Variants in PCDHA9 observed in about 807,000 individuals in gnomAD.
PCDHA9 encodes the protein protocadherin alpha-9.
Under a neutral mutation model 62.0 loss-of-function variants are expected in PCDHA9, and 62 were observed. The ratio of observed to expected loss-of-function variants is 1.00; its 90% CI spans 0.81 to 1.23. The LOEUF (loss-of-function observed/expected upper bound fraction) is 1.23. Ranked by LOEUF, PCDHA9 falls within the 50% of genes most tolerant of loss-of-function variation. PCDHA9 has a pLI of 0.00. For synonymous variants in PCDHA9, 557 were observed against 567.6 expected (o/e 0.98, Z 0.27); for missense variants, 1,205 against 1,249.8 (o/e 0.96, Z 0.54).
At chr5:140,948,273 T>A (rs1563231021) in intron 1 of PCDHA9, among the ~76,000 whole-genome samples, 1 of 151,602 alleles carries the variant, frequency 6.6e-6, no homozygotes, top group South Asian at 2.1e-4. Context: ...ATGTAGAATA[T>A]CTGTAAATAA....
chr5:140,888,754 CT>C (rs782694187), intron 1 of PCDHA9, among the ~76,000 whole-genome samples: 16 of 148,604 alleles, frequency 1.1e-4, no homozygotes, highest in East Asian at 2.0e-4. Flanking sequence ...ATTCTACCCA[CT>C]TTTTTTTTTA....
intron 1 of PCDHA9, among the ~76,000 whole-genome samples, chr5:140,937,875 G>GCATGGCGCCCAGGCGC (rs1467494060): frequency 1.3e-5 from 2 of 150,442 alleles, no homozygotes; most frequent in African/African-American, 4.9e-5. Context: ...TCGCGCCACT[G>GCATGGCGCCCAGGCGC]CACTCCAGCC....
chr5:140,920,841 T>TAAAAAAAA (rs781921146), intron 1 of PCDHA9, among the ~76,000 whole-genome samples: 2 of 109,228 alleles, frequency 1.8e-5, no homozygotes, highest in Non-Finnish European at 1.9e-5. Context: ...AGACCAAATC[T>TAAAAAAAA]AAAAAAAAAA....
chr5:140,907,364 C>T (rs1042794275), intron 1 of PCDHA9, among the ~76,000 whole-genome samples: 5 of 152,122 alleles, frequency 3.3e-5, no homozygotes, highest in East Asian at 1.9e-4. Context: ...CTTCTTTAGT[C>T]GTAAAGTGAG....
intron 1 of PCDHA9, chr5:140,968,070 A>T: frequency 6.2e-7 from 1 of 1,614,152 alleles, no homozygotes; most frequent in Non-Finnish European, 8.5e-7. Context: ...GTGGCTGTCT[A>T]CAACATCACG....
At position 140,850,713 on chromosome 5, in the gene PCDHA9, G is replaced by T. The variant is rs186966305; in HGVS notation, c.2218G>T (p.Val740Leu). 415 of 1,598,196 alleles carry T rather than the reference G, an allele frequency of 2.6e-4. 13 individuals are homozygous for T. The East Asian group carries it at 6.7e-3, about 26-fold the overall frequency. ...GECAPGKPTL[V>L]CSSAVGSWSY... ...GTGCGCGCCTGGCAAGCCGACGCTGGTGTGTTCTAGCGCGGTGGGGAGTTG... is the reference window on the plus strand; with the variant it reads ...GTGCGCGCCTGGCAAGCCGACGCTGTTGTGTTCTAGCGCGGTGGGGAGTTG... Residue 740 changes from valine to leucine, a missense_variant, in exon 1 of 4, where the codon GTG (valine) becomes TTG (leucine). Val to Leu is a conservative substitution (Grantham distance 32, BLOSUM62 1). Coordinates refer to ENST00000532602, the MANE Select transcript of PCDHA9 (RefSeq NM_031857.2).
intron 1 of PCDHA9, chr5:140,883,880 C>A: frequency 6.2e-7 from 1 of 1,613,304 alleles, no homozygotes. Context: ...GGTGAGCGCG[C>A]GCGACTCTGG....
At chr5:140,924,903 AAATAAAATAAAATAAAAT>A (rs2082154741) in intron 1 of PCDHA9, among the ~76,000 whole-genome samples, 1 of 54,856 alleles carries the variant, frequency 1.8e-5, no homozygotes, top group Non-Finnish European at 3.6e-5. Flanking sequence ...TCAAAAAAAA[AAATAAAATAAAATAAAAT>A]AAAATAAAAT....
At chr5:140,920,329 G>A (rs556077448) in intron 1 of PCDHA9, among the ~76,000 whole-genome samples, 8 of 152,080 alleles carry the variant, frequency 5.3e-5, no homozygotes, top group South Asian at 4.2e-4. Flanking sequence ...TATATTTATG[G>A]CATTTCTTAT....
chr5:140,989,132 C>T (rs943262599), intron 3 of PCDHA9: 2 of 152,216 alleles, frequency 1.3e-5, no homozygotes, highest in Admixed American at 1.3e-4. Context: ...AAATAAGACA[C>T]TTTATCCCTT....
rs200493520 is a variant in PCDHA9 at position 140,928,140 on chromosome 5, G to T, written c.2395-50809G>T. ...TCAGTGAATACCAAGTCCTGATCAC[G>T]GCCTCAGATAGTGGCTCACCCCCAC... On this transcript the variant is annotated intron_variant, in intron 1 of 3. Transcript: ENST00000532602. The T allele has an allele frequency of 2.5e-6, 4 of 1,614,154 alleles. No homozygotes were observed. In the East Asian group the frequency reaches 6.7e-5, roughly 27 times the overall value.
chr5:140,991,707 A>G (rs1436655429), intron 3 of PCDHA9, among the ~76,000 whole-genome samples: 1 of 152,158 alleles, frequency 6.6e-6, no homozygotes, highest in Non-Finnish European at 1.5e-5. Flanking sequence ...TAATATGCAT[A>G]TTGCTACTAG....
At chr5:140,888,443 A>C (rs1374471673) in intron 1 of PCDHA9, among the ~76,000 whole-genome samples, 2 of 152,172 alleles carry the variant, frequency 1.3e-5, no homozygotes, top group Non-Finnish European at 2.9e-5. Context: ...GCCGCCCAAC[A>C]ATAAAGAATT....
chr5:141,007,315 C>T (rs1207897662), intron 3 of PCDHA9, among the ~76,000 whole-genome samples: 1 of 148,308 alleles, frequency 6.7e-6, no homozygotes, highest in Non-Finnish European at 1.5e-5. Flanking sequence ...TTTTGGGAGG[C>T]TAAAGTGGAC....
intron 1 of PCDHA9, among the ~76,000 whole-genome samples, chr5:140,900,435 G>A (rs1219799362): frequency 3.3e-5 from 5 of 152,088 alleles, no homozygotes; most frequent in African/African-American, 9.7e-5. Context: ...GTGCCACCAC[G>A]GCCGGCTAAT....
At position 140,850,112 on chromosome 5, in the gene PCDHA9, C is replaced by G; in HGVS notation, c.1617C>G (p.Asp539Glu). The G allele has an allele frequency of 6.3e-7, 1 of 1,596,024 alleles. No individual in the cohort carries two copies. The highest frequency in any genetic ancestry group is 8.6e-7 in the Non-Finnish European group (1 of 1,167,838). ...TACAGTTCCAGGTGAGCGCGCGCGACGCGGGCGTGCCGCCTCTGGGCAGCA... is the reference window on the plus strand; with the variant it reads ...TACAGTTCCAGGTGAGCGCGCGCGAGGCGGGCGTGCCGCCTCTGGGCAGCA... Reference protein sequence around the residue: ...ELLQFQVSARDAGVPPLGSNV... With the variant: ...ELLQFQVSAREAGVPPLGSNV... Residue 539 changes from aspartate to glutamate, a missense_variant, in exon 1 of 4, where the codon GAC becomes GAG. This residue lies in a region of PCDHA9 where 887 missense variants were observed against 809.5 expected (regional missense o/e 1.10). Transcript: ENST00000532602.
chr5:140,870,201 G>C lies in PCDHA9; in HGVS notation c.2394+19312G>C, dbSNP rs370139733. 2.5e-4 allele frequency: 410 copies of C among 1,614,022 alleles called. 1 individual carries two copies. Among genetic ancestry groups the C allele is most frequent in the Non-Finnish European group, 5.8e-5 (69 of 1,180,034 alleles). ...TACGAGAGGACGCTCAGCCCAGCAC[G>C]GTCATTGCCCTGATCAGCGTGTCTG... On this transcript the variant is annotated intron_variant, in intron 1 of 3. Coordinates refer to ENST00000532602, the MANE Select transcript of PCDHA9 (RefSeq NM_031857.2).
At chr5:140,915,690 T>G (rs1330039439) in intron 1 of PCDHA9, among the ~76,000 whole-genome samples, 1 of 151,558 alleles carries the variant, frequency 6.6e-6, no homozygotes, top group African/African-American at 2.4e-5. Context: ...AGGGGTATGG[T>G]GATGCAAGCA....
intron 1 of PCDHA9, among the ~76,000 whole-genome samples, chr5:140,972,738 A>G (rs918730708): frequency 1.4e-5 from 2 of 142,600 alleles, no homozygotes; most frequent in Non-Finnish European, 3.0e-5. Context: ...ATCCCGGCTC[A>G]CTGCAACCTC....
Sources: gnomAD v4.1 joint callset for allele counts (sites outside exome capture counted in the v4.1 genomes callset) on GRCh38, gnomAD v4.1.1 for gene constraint, gnomAD v4.1.1 regional missense constraint, MANE v1.5 for transcripts, NCBI Gene and HGNC (gene_info 2026-07-23, HGNC 2026-07-21) for gene names.